The following SLC52A3 variants were observed in gnomAD, a reference collection of about 807,000 sequenced individuals.
The protein encoded by SLC52A3 is solute carrier family 52, riboflavin transporter, member 3.
Under a neutral mutation model 29.5 loss-of-function variants are expected in SLC52A3, and 20 were observed. The observed-to-expected ratio is 0.68, with a 90% confidence interval of 0.48 to 0.99. SLC52A3 has a LOEUF of 0.99. Ranked by LOEUF, SLC52A3 falls within the 50% of genes least tolerant of loss-of-function variation. The pLI is 0.00. For synonymous variants in SLC52A3, 301 were observed against 271.0 expected (o/e 1.11, Z -1.09); for missense variants, 548 against 612.9 (o/e 0.89, Z 1.12).
rs369230517 is a variant in SLC52A3 at position 761,166 on chromosome 20, G to A, written c.1270C>T (p.Leu424Phe). 54 of 1,577,484 alleles carry A rather than the reference G, an allele frequency of 3.4e-5. No individual in the cohort carries two copies. The highest frequency in any genetic ancestry group is 5.4e-5 in the African/African-American group (4 of 73,964). Reference protein sequence around the residue: ...KVMLGVVLRDLSRSALLWCGA... With the variant: ...KVMLGVVLRDFSRSALLWCGA... ...CACCACAAGAGGGCGCTGCGGCTGA[G>A]GTCGCGCAGGACCACGCCCAGCATC... is the stretch of plus-strand genomic sequence containing the variant. Residue 424 changes from leucine to phenylalanine, a missense_variant, in exon 5 of 5, where the codon CTC (leucine) becomes TTC (phenylalanine). Leu to Phe is a conservative substitution (Grantham distance 22). Transcript: ENST00000645534.
upstream of SLC52A3, among the ~76,000 whole-genome samples, chr20:777,264 A>ACAAC (rs1987072110): frequency 4.0e-5 from 1 of 25,264 alleles, no homozygotes; most frequent in Non-Finnish European, 3.1e-4. Flanking sequence ...AAACAAACAA[A>ACAAC]CAAAAAACAA....
chr20:770,708 A>G (rs1986821355), upstream of SLC52A3, among the ~76,000 whole-genome samples: 1 of 152,254 alleles, frequency 6.6e-6, no homozygotes, highest in Middle Eastern at 3.2e-3. This position sits in a 1 kb window ranked among gnomAD's most constrained non-coding sequence, Gnocchi z 4.5. Context: ...AATGCTACAA[A>G]TAGAGTGATG....
At chr20:778,979 G>A (rs558826124), upstream of SLC52A3, among the ~76,000 whole-genome samples, 5 of 152,100 alleles carry the variant, frequency 3.3e-5, no homozygotes, top group Non-Finnish European at 7.4e-5. Context: ...ATCTTTGCTT[G>A]TATAATTTTT....
upstream of SLC52A3, among the ~76,000 whole-genome samples, chr20:770,116 G>T (rs1056198329): frequency 6.6e-6 from 1 of 151,354 alleles, no homozygotes; most frequent in Non-Finnish European, 1.5e-5. This position sits in a 1 kb window ranked among gnomAD's most constrained non-coding sequence, Gnocchi z 4.5. Flanking sequence ...TTATGTAAAC[G>T]TGCTATTTGA....
rs1477315316 is a variant in SLC52A3, at chr20:763,711, T to A, written c.860A>T (p.Tyr287Phe). 1.2e-6 allele frequency: 2 copies of A among 1,614,132 alleles called. No homozygotes were observed. Among genetic ancestry groups the A allele is most frequent in the South Asian group, 1.1e-5 (1 of 91,084 alleles). ...GCAGGGGGCTGCTTTCTCCTCTAGA[T>A]ACCCCTGGCCCTGGCTGCTGTCCAC... ...GTVDSSQGQG[Y>F]LEEKAAPCCP... Residue 287 changes from tyrosine to phenylalanine, a missense_variant, in exon 3 of 5, where the codon TAT (tyrosine) becomes TTT (phenylalanine). Physicochemically the swap from Tyr to Phe is conservative, Grantham distance 22. Transcript: ENST00000645534.
At chr20:773,839 G>A (rs575925502) in intron 1 of SLC52A3, among the ~76,000 whole-genome samples, 23 of 152,330 alleles carry the variant, frequency 1.5e-4, no homozygotes, top group Admixed American at 4.6e-4. Flanking sequence ...AATTGGGAGT[G>A]GGGTTCTGAC....
chr20:765,485 G>A lies in SLC52A3; in HGVS notation c.290C>T (p.Ser97Phe), dbSNP rs1986650441. ...IIFAFLWNMT[S>F]WVLDGHHSIA... ...GCTGTGGTGGCCGTCCAGCACCCAG[G>A]AGGTCATATTCCAGAGGAAGGCAAA... Residue 97 changes from serine to phenylalanine, a missense_variant, in exon 2 of 5, where the codon TCC (serine) becomes TTC (phenylalanine). Physicochemically the swap from Ser to Phe is radical, Grantham distance 155 (BLOSUM62 -2). Transcript: ENST00000645534. This position sits in a 1 kb window ranked among gnomAD's most constrained non-coding sequence, Gnocchi z 6.6. The A allele has an allele frequency of 6.3e-7, 1 of 1,596,260 alleles. No individual in the cohort carries two copies. The highest frequency in any genetic ancestry group is 1.1e-5 in the South Asian group (1 of 88,796).
rs1281837290 is a variant in SLC52A3, at chr20:765,676, C to T, written c.99G>A (p.Glu33=). 1.2e-6 allele frequency: 2 copies of T among 1,613,520 alleles called. No individual in the cohort carries two copies. The highest frequency in any genetic ancestry group is 1.7e-5 in the Admixed American group (1 of 59,972). ...LWVELPLLVM[E]LPEGWYLPSY... Reference sequence around the variant, plus strand: ...AGGGCAGGTACCAGCCCTCGGGCAGCTCCATCACCAGCAGGGGCAGCTCTA... The same window carrying T: ...AGGGCAGGTACCAGCCCTCGGGCAGTTCCATCACCAGCAGGGGCAGCTCTA... The change falls in exon 2 of 5, where the codon GAG becomes GAA. Residue 33 remains glutamate, a synonymous_variant. Transcript: ENST00000645534. This position sits in a 1 kb window ranked among gnomAD's most constrained non-coding sequence, Gnocchi z 6.6.
At chr20:778,629 T>TA (rs922219545), upstream of SLC52A3, among the ~76,000 whole-genome samples, 6 of 151,494 alleles carry the variant, frequency 4.0e-5, no homozygotes, top group South Asian at 2.1e-4. Context: ...TTGGATCTGT[T>TA]AAAAAAAAAT....
At chr20:767,936 T>C (rs1425895972) in intron 1 of SLC52A3, among the ~76,000 whole-genome samples, 1 of 152,190 alleles carries the variant, frequency 6.6e-6, no homozygotes, top group Non-Finnish European at 1.5e-5. Flanking sequence ...ATATGGGAGA[T>C]GCCAGGAGTG....
chr20:776,865 G>GGGC (rs1555784961), upstream of SLC52A3, among the ~76,000 whole-genome samples: 448 of 151,104 alleles, frequency 3.0e-3, 4 homozygotes, highest in African/African-American at 0.01. Context: ...TTGGGGGGGG[G>GGGC]GCCACAGGAG....
At chr20:771,043 TTTTG>T (rs1247425684), upstream of SLC52A3, among the ~76,000 whole-genome samples, 2 of 152,226 alleles carry the variant, frequency 1.3e-5, no homozygotes, top group Non-Finnish European at 2.9e-5. Flanking sequence ...TGTTGAACTG[TTTTG>T]TTTGTTTGTT....
At position 763,557 on chromosome 20, in the gene SLC52A3, G is replaced by A. The variant is rs767240021; in HGVS notation, c.1014C>T (p.Ala338=). Residue 338 remains alanine, a synonymous_variant, in exon 3 of 5, where the codon GCC becomes GCT. Transcript: ENST00000645534. Reference sequence around the variant, plus strand: ...GAGGGTTGGCCACAATGCTGAGGGTGGCAGCCAGGTGGTAGGCAACTGGCC... The same window carrying A: ...GAGGGTTGGCCACAATGCTGAGGGTAGCAGCCAGGTGGTAGGCAACTGGCC... ...SYGPVAYHLA[A]TLSIVANPLA... is the part of the protein sequence containing the mutation. The A allele has an allele frequency of 1.3e-5, 21 of 1,614,058 alleles. No individual in the cohort carries two copies. The highest frequency in any genetic ancestry group is 3.3e-5 in the Admixed American group (2 of 60,014).
chr20:765,712 A>G lies in SLC52A3; in HGVS notation c.63T>C (p.Asn21=), dbSNP rs574008733. ...GCAGGGGCAGCTCTACCCAGAGCCC[A>G]TTGATGGTCACCCAGGAGCCCATTC... ...VFGMGSWVTI[N]GLWVELPLLV... The change falls in exon 2 of 5, where the codon AAT becomes AAC. Residue 21 remains asparagine, a synonymous_variant. Coordinates refer to ENST00000645534, the MANE Select transcript of SLC52A3 (RefSeq NM_033409.4). The surrounding 1 kb of genome is among the most constrained non-coding windows in gnomAD (Gnocchi z 6.6). 273 of 1,613,732 alleles carry G rather than the reference A, an allele frequency of 1.7e-4. 4 individuals are homozygous for G. In the South Asian group the frequency reaches 2.9e-3, roughly 17 times the overall value.
chr20:764,037 A>G, intron 2 of SLC52A3, 34 bp from the exon 3 acceptor site: 3 of 1,269,884 alleles, frequency 2.4e-6, no homozygotes, highest in Non-Finnish European at 3.3e-6. Context: ...TGGTCAGGGG[A>G]GGGGATCAGG....
At chr20:763,055 G>A (rs922752828) in intron 3 of SLC52A3, among the ~76,000 whole-genome samples, 4 of 152,252 alleles carry the variant, frequency 2.6e-5, no homozygotes, top group African/African-American at 7.2e-5. Context: ...AGGCAGGAAG[G>A]CAGGGCCGAA....
chr20:760,909 C>T lies in SLC52A3; in HGVS notation c.*117G>A. 4 of 1,068,472 alleles carry T rather than the reference C, an allele frequency of 3.7e-6. No individual in the cohort carries two copies. The South Asian group carries it at 4.5e-5, about 12-fold the overall frequency. 66.2% of individuals were successfully genotyped at this position (1,068,472 alleles called of 1,614,324 possible). A position where few individuals can be genotyped will look rare whatever the true frequency, so the allele number is the denominator to read the frequency against. On this transcript the variant is annotated 3_prime_UTR_variant, in exon 5 of 5. Transcript: ENST00000645534. The surrounding 1 kb of genome is among the most constrained non-coding windows in gnomAD (Gnocchi z 4.9). ...CCCCACAGTCCCCAGTGGGCACTTG[C>T]GTTCATGATTCAATTACTCAGGCTC...
chr20:772,006 G>C (rs1986854837), upstream of SLC52A3, among the ~76,000 whole-genome samples: 3 of 152,224 alleles, frequency 2.0e-5, no homozygotes, highest in South Asian at 6.2e-4. Flanking sequence ...GGCTAAGTCA[G>C]TAGTTAAGGG....
Position 763,937 on chromosome 20 carries a change from G to A in SLC52A3, c.634C>T (p.Arg212Cys), listed in dbSNP as rs778479139. The change falls in exon 3 of 5, where the codon CGC (arginine) becomes TGC (cysteine). Residue 212 changes from arginine (R) to cysteine (C), a missense_variant. Physicochemically the swap from Arg to Cys is radical, Grantham distance 180 (BLOSUM62 -3). Around this residue, in one of 2 missense-constraint regions of SLC52A3, gnomAD observed 375 missense variants for 471.1 expected, o/e 0.80. Coordinates refer to ENST00000645534, the MANE Select transcript of SLC52A3 (RefSeq NM_033409.4). Reference protein sequence around the residue: ...MEAPLSHLESRYLPAHFSPLV... With the variant: ...MEAPLSHLESCYLPAHFSPLV... ...GGTGAGAAGTGGGCGGGAAGGTAGC[G>A]GCTCTCCAGGTGGGACAAGGGTGCT... The A allele has an allele frequency of 2.5e-6, 4 of 1,613,156 alleles. No individual in the cohort carries two copies. The highest frequency in any genetic ancestry group is 3.4e-6 in the Non-Finnish European group (4 of 1,179,600).
Sources: gnomAD v4.1 joint callset for allele counts (sites outside exome capture counted in the v4.1 genomes callset) on GRCh38, gnomAD v4.1.1 for gene constraint, gnomAD v4.1.1 regional missense constraint, Gnocchi (gnomAD v3.1) non-coding constraint, MANE v1.5 for transcripts, NCBI Gene and HGNC (gene_info 2026-07-23, HGNC 2026-07-21) for gene names.